The following TDRD9 variants were observed in gnomAD, a reference collection of about 807,000 sequenced individuals.
The protein encoded by TDRD9 is ATP-dependent RNA helicase TDRD9.
In TDRD9, 124 loss-of-function variants were observed where a neutral mutation model predicts 172.6. The ratio of observed to expected loss-of-function variants is 0.72; its 90% CI spans 0.62 to 0.83. The LOEUF is 0.83. Ranked by LOEUF, TDRD9 falls within the 40% of genes least tolerant of loss-of-function variation. The probability of loss-of-function intolerance (pLI) is 0.00; values close to 1 mark genes in which losing one functional copy is unlikely to be tolerated. For missense variants in TDRD9, 1,479 were observed against 1,714.1 expected, an observed-to-expected ratio of 0.86 and a Z score of 2.42; for synonymous variants, 619 against 617.1, an observed-to-expected ratio of 1.00 and a Z score of -0.05.
At chr14:104,037,466 C>A (rs764392375) in intron 32 of TDRD9, among the ~76,000 whole-genome samples, 1 of 152,210 alleles carries the variant, frequency 6.6e-6, no homozygotes, top group Non-Finnish European at 1.5e-5. Flanking sequence ...TGTCCTGTCA[C>A]AACTGATTCA....
chr14:104,025,462 G>GTGTC lies in TDRD9; in HGVS notation c.2719-101_2719-98dup, dbSNP rs910433149. 19 of 813,322 alleles carry GTGTC rather than the reference G, an allele frequency of 2.3e-5. 1 individual carries two copies. The African/African-American group carries it at 2.8e-4, about 12-fold the overall frequency. 50.4% of individuals were successfully genotyped at this position (813,322 alleles called of 1,614,324 possible). A position where few individuals can be genotyped will look rare whatever the true frequency, so the allele number is the denominator to read the frequency against. ...TGTTCCGAGGATTAACGCTGGTGAG[G>GTGTC]TGTCGTACAGCACAGGGTGTCAGCC... On this transcript the variant is annotated intron_variant, in intron 25 of 35. Transcript: ENST00000409874.
intron 8 of TDRD9, among the ~76,000 whole-genome samples, chr14:103,989,610 T>C (rs1023225850): frequency 3.3e-5 from 5 of 152,244 alleles, no homozygotes; most frequent in Non-Finnish European, 7.3e-5. Flanking sequence ...AGTATCTTTT[T>C]CATGATGGAA....
At chr14:103,939,819 T>A (rs2475775) in intron 1 of TDRD9, 1 of 141,164 alleles carries the variant, frequency 7.1e-6, no homozygotes, top group African/African-American at 2.6e-5. Flanking sequence ...TGATCATAGC[T>A]CACTGCAGCC....
At chr14:103,959,460 G>A (rs865798921) in intron 2 of TDRD9, among the ~76,000 whole-genome samples, 1 of 133,070 alleles carries the variant, frequency 7.5e-6, no homozygotes, top group African/African-American at 2.7e-5. Context: ...GTTATCGTGT[G>A]TGTGTGTGTG....
Position 104,049,679 on chromosome 14 carries a change from A to C in TDRD9, c.4046A>C (p.Gln1349Pro). 6.3e-7 allele frequency: 1 copy of C among 1,580,834 alleles called. No homozygotes were observed. Among genetic ancestry groups the C allele is most frequent in the Non-Finnish European group, 8.6e-7 (1 of 1,163,540 alleles). Reference sequence around the variant, plus strand: ...CATGAAAAGCCCTACGAGTGGAATCAGGTGAGTGGGACGCAGGCTGCTACA... The same window carrying C: ...CATGAAAAGCCCTACGAGTGGAATCCGGTGAGTGGGACGCAGGCTGCTACA... ...KWHEKPYEWN[Q>P]VDPKLVMEQA... The change falls in exon 35 of 36, where the codon CAG (glutamine) becomes CCG (proline). Residue 1349 changes from glutamine to proline, a missense_variant and splice_region_variant. Gln to Pro is a moderately conservative substitution (Grantham distance 76). Around this residue, in one of 3 missense-constraint regions of TDRD9, gnomAD observed 1,413 missense variants for 1,649.1 expected, o/e 0.86. Coordinates refer to ENST00000409874, the MANE Select transcript of TDRD9 (RefSeq NM_153046.3).
intron 1 of TDRD9, among the ~76,000 whole-genome samples, chr14:103,944,044 G>A (rs947654483): frequency 2.6e-5 from 4 of 152,140 alleles, no homozygotes; most frequent in South Asian, 4.1e-4. Flanking sequence ...GAATCTTGCC[G>A]CATACTCCTT....
chr14:104,042,244 T>A, intron 34 of TDRD9, 57 bp downstream of exon 34: 1 of 1,187,844 alleles, frequency 8.4e-7, no homozygotes, highest in Non-Finnish European at 1.3e-6. Flanking sequence ...CTCAGCTGCC[T>A]TGATCATGGC....
At chr14:103,965,118 A>G (rs1028356398) in intron 3 of TDRD9, among the ~76,000 whole-genome samples, 1 of 152,068 alleles carries the variant, frequency 6.6e-6, no homozygotes, top group African/African-American at 2.4e-5. Context: ...AGGCTGAGGC[A>G]TGAGAATCGT....
intron 7 of TDRD9, among the ~76,000 whole-genome samples, chr14:103,985,126 T>C (rs2033613566): frequency 6.6e-6 from 1 of 152,138 alleles, no homozygotes; most frequent in Non-Finnish European, 1.5e-5. Flanking sequence ...CTATGGACTT[T>C]TGAGTTAATG....
At chr14:103,964,170 G>T (rs112888453) in intron 3 of TDRD9, among the ~76,000 whole-genome samples, 3,480 of 152,254 alleles carry the variant, frequency 0.023, 78 homozygotes, top group East Asian at 0.07. Flanking sequence ...TTGAGCTTAG[G>T]AGGTCAAAGC....
chr14:103,998,698 G>C lies in TDRD9; in HGVS notation c.1453G>C (p.Ala485Pro). ...TTATCAGAGTCTGCGATTGAGTTGG[G>C]CTTCTAAAACCAGCTGTAATCAGAG... ...TNYQSLRLSW[A>P]SKTSCNQRKG... Residue 485 changes from alanine to proline, a missense_variant, in exon 13 of 36, where the codon GCT becomes CCT. Physicochemically the swap from Ala to Pro is conservative, Grantham distance 27. Coordinates refer to ENST00000409874, the MANE Select transcript of TDRD9 (RefSeq NM_153046.3). 6.2e-7 allele frequency: 1 copy of C among 1,605,612 alleles called. No individual in the cohort carries two copies. Among genetic ancestry groups the C allele is most frequent in the Non-Finnish European group, 8.5e-7 (1 of 1,172,414 alleles).
chr14:104,032,838 A>C (rs1337573472), intron 30 of TDRD9, among the ~76,000 whole-genome samples: 1 of 152,194 alleles, frequency 6.6e-6, no homozygotes, highest in Admixed American at 6.5e-5. Context: ...AAGGGCACAG[A>C]ACATCATGAA....
intron 30 of TDRD9, among the ~76,000 whole-genome samples, chr14:104,032,929 T>G (rs1277681294): frequency 6.6e-6 from 1 of 152,112 alleles, no homozygotes; most frequent in African/African-American, 2.4e-5. Context: ...TACAGAGGCG[T>G]CAGCCAAGGT....
At chr14:103,975,589 G>C in intron 7 of TDRD9, 36 bp downstream of exon 7, 1 of 1,547,842 alleles carries the variant, frequency 6.5e-7, no homozygotes. Context: ...TATAGTGAGC[G>C]TACTCTTGTA....
chr14:104,045,273 G>A (rs772367122), intron 34 of TDRD9, among the ~76,000 whole-genome samples: 9 of 152,222 alleles, frequency 5.9e-5, no homozygotes, highest in Middle Eastern at 3.4e-3. Flanking sequence ...GGCACGTGTT[G>A]TTACTGCAGT....
chr14:104,006,576 T>A (rs1278762353), intron 16 of TDRD9, 22 bp downstream of exon 16: 1 of 1,612,150 alleles, frequency 6.2e-7, no homozygotes, highest in African/African-American at 1.3e-5. Context: ...AACAAATAAA[T>A]GCTAATGGGA....
intron 1 of TDRD9, among the ~76,000 whole-genome samples, chr14:103,939,624 T>C (rs2031044294): frequency 8.2e-6 from 1 of 121,256 alleles, no homozygotes; most frequent in Non-Finnish European, 1.8e-5. Context: ...TAGAGGTCAG[T>C]TGAAAATGGT....
At chr14:103,984,430 G>A (rs8016965) in intron 7 of TDRD9, among the ~76,000 whole-genome samples, 2,274 of 152,296 alleles carry the variant, frequency 0.015, 67 homozygotes, top group African/African-American at 0.052. Context: ...TGTCCCAGCC[G>A]CTCCAGTTAT....
At position 104,025,737 on chromosome 14, in the gene TDRD9, T is replaced by G. The variant is rs1229692117; in HGVS notation, c.2892T>G (p.Phe964Leu). The G allele has an allele frequency of 3.1e-6, 5 of 1,613,932 alleles. No homozygotes were observed. In the Admixed American group the frequency reaches 6.7e-5, roughly 22 times the overall value. ...PFADFDKQRY[F>L]RAQVLYVSGN... is the part of the protein sequence containing the mutation. ...CTGATTTTGATAAACAACGCTACTT[T>G]AGAGCTCAAGTCCTTTATGTTTCTG... Residue 964 changes from phenylalanine (F) to leucine (L), a missense_variant, in exon 26 of 36, where the codon TTT becomes TTG. Transcript: ENST00000409874.
Sources: allele counts gnomAD v4.1 joint callset (sites outside exome capture counted in the v4.1 genomes callset), GRCh38; gene constraint gnomAD v4.1.1; regional missense constraint gnomAD v4.1.1; transcripts MANE v1.5; gene names NCBI Gene and HGNC (gene_info 2026-07-23, HGNC 2026-07-21).